ALKBH3: variants seen among roughly 807,000 people sequenced by gnomAD.
The protein encoded by ALKBH3 is alpha-ketoglutarate-dependent dioxygenase alkB homolog 3.
Under a neutral mutation model 43.9 loss-of-function variants are expected in ALKBH3, and 51 were observed. The observed-to-expected ratio is 1.16, with a 90% CI of 0.93 to 1.47. ALKBH3 has a LOEUF of 1.47. Ranked by LOEUF, ALKBH3 falls within the 40% of genes most tolerant of loss-of-function variation. ALKBH3 has a pLI of 0.00. For missense variants in ALKBH3, 361 were observed against 351.9 expected, an observed-to-expected ratio of 1.03 and a Z score of -0.21; for synonymous variants, 102 against 115.2, an observed-to-expected ratio of 0.89 and a Z score of 0.73.
At position 43,919,068 on chromosome 11, in the gene ALKBH3, A is replaced by C; in HGVS notation, c.700A>C (p.Arg234=). ...EENGDYTYVE[R]VKIPLDHGTL... ...GAATGGAGACTACACATATGTGGAA[A>C]GAGTGAAGATACCCTTGGATCATGG... Residue 234 remains arginine, a synonymous_variant, in exon 9 of 10, where the codon AGA becomes CGA. Coordinates refer to ENST00000302708, the MANE Select transcript of ALKBH3 (RefSeq NM_139178.4). 6.2e-7 allele frequency: 1 copy of C among 1,612,574 alleles called. No homozygotes were observed. The highest frequency in any genetic ancestry group is 1.7e-4 in the Middle Eastern group (1 of 6,056).
chr11:43,882,500 T>G, intron 1 of ALKBH3, 83 bp from the exon 2 acceptor site: 1 of 586,100 alleles, frequency 1.7e-6, no homozygotes, highest in Non-Finnish European at 2.9e-6. Flanking sequence ...TTGAGAGTCT[T>G]CTGCCTGAAA....
Position 43,919,962 on chromosome 11 carries a change from C to G in ALKBH3, c.813C>G (p.Asn271Lys), listed in dbSNP as rs749928467. 1.2e-6 allele frequency: 2 copies of G among 1,614,146 alleles called. No homozygotes were observed. Among genetic ancestry groups the G allele is most frequent in the African/African-American group, 2.7e-5 (2 of 75,032 alleles). Residue 271 changes from asparagine to lysine, a missense_variant, in exon 10 of 10, where the codon AAC (asparagine) becomes AAG (lysine). Physicochemically the swap from Asn to Lys is moderately conservative, Grantham distance 94. Coordinates refer to ENST00000302708, the MANE Select transcript of ALKBH3 (RefSeq NM_139178.4). ...ACCACTCTAGAGAACCGAGAGTGAA[C>G]CTGACCTTTCGGACAGTCTATCCAG... ...KEYHSREPRV[N>K]LTFRTVYPDP... is the part of the protein sequence containing the mutation.
intron 8 of ALKBH3, chr11:43,910,223 A>G (rs184067679): frequency 6.6e-6 from 1 of 152,176 alleles, no homozygotes; most frequent in Non-Finnish European, 1.5e-5. Context: ...TGTTCTCTAC[A>G]TTATTTTTTA....
intron 9 of ALKBH3, among the ~76,000 whole-genome samples, chr11:43,919,423 T>C (rs1316676523): frequency 2.0e-5 from 3 of 152,254 alleles, no homozygotes; most frequent in African/African-American, 7.2e-5. Context: ...GCTTGCATGC[T>C]ATAAAGAACT....
chr11:43,919,610 T>A (rs1349835319), intron 9 of ALKBH3: 2 of 332,964 alleles, frequency 6.0e-6, no homozygotes, highest in Non-Finnish European at 5.6e-6. Flanking sequence ...CTCATGCCTC[T>A]CTTTGGTCTC....
Position 43,892,041 on chromosome 11 carries a change from A to G in ALKBH3, c.371A>G (p.Asp124Gly). 4 of 1,610,120 alleles carry G rather than the reference A, an allele frequency of 2.5e-6. No individual in the cohort carries two copies. The highest frequency in any genetic ancestry group is 2.6e-6 in the Non-Finnish European group (3 of 1,176,446). Residue 124 changes from aspartate to glycine, a missense_variant and splice_region_variant, in exon 7 of 10, where the codon GAT (aspartate) becomes GGT (glycine). Asp to Gly is a moderately conservative substitution (Grantham distance 94). Coordinates refer to ENST00000302708, the MANE Select transcript of ALKBH3 (RefSeq NM_139178.4). The part of the protein sequence containing the change: ...PWKQRTGIRE[D>G]ITYQQPRLTA... ...CAAAGGCCTGTATTTTCTTTCTTAG[A>G]TATAACTTATCAGCAACCAAGACTT...
At chr11:43,909,377 A>G (rs1443562388) in intron 8 of ALKBH3, 1 of 152,198 alleles carries the variant, frequency 6.6e-6, no homozygotes, top group East Asian at 1.9e-4. Flanking sequence ...TTTTACCACT[A>G]TGAACAAGAG....
chr11:43,919,533 AT>A, intron 9 of ALKBH3: 1 of 276,482 alleles, frequency 3.6e-6, no homozygotes, highest in South Asian at 6.1e-5. Flanking sequence ...AGGCCATGCC[AT>A]TTTTAGGCCA....
chr11:43,905,332 C>T (rs1225439369), intron 8 of ALKBH3, among the ~76,000 whole-genome samples: 2 of 152,110 alleles, frequency 1.3e-5, no homozygotes, highest in Admixed American at 6.5e-5. Flanking sequence ...ATCTTTGTTT[C>T]GTAAGCACCA....
intron 1 of ALKBH3, 142 bp downstream of exon 1, chr11:43,881,321 T>C (rs1951709397): frequency 6.6e-6 from 1 of 152,208 alleles, no homozygotes; most frequent in Non-Finnish European, 1.5e-5. Flanking sequence ...GGGTTGAGGG[T>C]GGCGTTAGTT....
intron 8 of ALKBH3, among the ~76,000 whole-genome samples, chr11:43,916,400 C>T (rs1427628850): frequency 3.9e-5 from 6 of 152,154 alleles, no homozygotes; most frequent in Non-Finnish European, 2.9e-5. Flanking sequence ...ACATGTTTTT[C>T]GCTTTTTCCA....
At chr11:43,890,661 C>A (rs752650221) in intron 6 of ALKBH3, among the ~76,000 whole-genome samples, 32 of 152,030 alleles carry the variant, frequency 2.1e-4, no homozygotes, top group Admixed American at 9.8e-4. Flanking sequence ...GTCAGGAGAT[C>A]GAGACCATCC....
rs1241392272 is a variant in ALKBH3 at position 43,911,905 on chromosome 11, A to G, written c.670-7133A>G. The stretch of plus-strand genomic sequence containing the variant: ...TGGGAGGCTGAGGTGGGCGGATCAC[A>G]AGGTCGGGAGTTCGAGACCAGCCTG... On this transcript the variant is annotated intron_variant, in intron 8 of 9. Coordinates refer to ENST00000302708, the MANE Select transcript of ALKBH3 (RefSeq NM_139178.4). Among the ~76,000 whole-genome samples, 5 of 152,080 alleles carry G rather than the reference A, an allele frequency of 3.3e-5. No homozygotes were observed. In the East Asian group the frequency reaches 7.7e-4, roughly 24 times the overall value.
chr11:43,912,588 A>C (rs565246675), intron 8 of ALKBH3: 12 of 152,040 alleles, frequency 7.9e-5, no homozygotes, highest in Non-Finnish European at 1.8e-4. Flanking sequence ...AGGTTTTTCT[A>C]TTTTGCTCAT....
intron 8 of ALKBH3, among the ~76,000 whole-genome samples, chr11:43,908,054 C>G (rs919198601): frequency 1.3e-5 from 2 of 152,138 alleles, no homozygotes; most frequent in Non-Finnish European, 2.9e-5. Flanking sequence ...TTTTTATTCT[C>G]TGCTTCAGAA....
chr11:43,919,065 G>A lies in ALKBH3; in HGVS notation c.697G>A (p.Glu233Lys). 6.2e-7 allele frequency: 1 copy of A among 1,612,080 alleles called. No homozygotes were observed. The highest frequency in any genetic ancestry group is 8.5e-7 in the Non-Finnish European group (1 of 1,178,172). Residue 233 changes from glutamate (E) to lysine (K), a missense_variant, in exon 9 of 10, where the codon GAA becomes AAA. Physicochemically the swap from Glu to Lys is moderately conservative, Grantham distance 56. Coordinates refer to ENST00000302708, the MANE Select transcript of ALKBH3 (RefSeq NM_139178.4). The stretch of plus-strand genomic sequence containing the variant: ...AGAGAATGGAGACTACACATATGTG[G>A]AAAGAGTGAAGATACCCTTGGATCA... ...PEENGDYTYV[E>K]RVKIPLDHGT...
intron 8 of ALKBH3, among the ~76,000 whole-genome samples, chr11:43,911,126 G>A (rs1263712303): frequency 6.6e-6 from 1 of 152,206 alleles, no homozygotes; most frequent in East Asian, 1.9e-4. Context: ...TGGCTGCTGT[G>A]TGAAGAATAA....
At chr11:43,903,532 T>A (rs990651040) in intron 8 of ALKBH3, among the ~76,000 whole-genome samples, 1 of 152,184 alleles carries the variant, frequency 6.6e-6, no homozygotes, top group Non-Finnish European at 1.5e-5. Context: ...TGAAATTGTC[T>A]TTCTCCTCCT....
intron 8 of ALKBH3, among the ~76,000 whole-genome samples, chr11:43,903,847 T>G (rs1351650675): frequency 6.6e-6 from 1 of 152,196 alleles, no homozygotes; most frequent in Non-Finnish European, 1.5e-5. Context: ...TTCCAAATAT[T>G]ATGCATTCAC....
Sources: gnomAD v4.1 joint callset for allele counts (sites outside exome capture counted in the v4.1 genomes callset) on GRCh38, gnomAD v4.1.1 for gene constraint, MANE v1.5 for transcripts, NCBI Gene and HGNC (gene_info 2026-07-23, HGNC 2026-07-21) for gene names.